B3GALNT2: variants seen among roughly 807,000 people sequenced by gnomAD.
B3GALNT2 encodes the protein UDP-GalNAc:beta-1,3-N-acetylgalactosaminyltransferase 2.
In B3GALNT2, 53 loss-of-function variants were observed where a neutral mutation model predicts 61.1. That is an observed-to-expected ratio of 0.87 (90% CI 0.70 to 1.09). B3GALNT2 has a LOEUF of 1.09. B3GALNT2 is among the 50% of genes least tolerant of loss of function. The probability of loss-of-function intolerance (pLI) is 0.00; values close to 1 mark genes in which losing one functional copy is unlikely to be tolerated. For missense variants in B3GALNT2, 544 were observed against 623.0 expected (o/e 0.87, Z 1.35); for synonymous variants, 223 against 237.4 (o/e 0.94, Z 0.56).
rs768458845 is a variant in B3GALNT2 at position 235,472,564 on chromosome 1, A to AGAC, written c.652-1607_652-1605dup. ...TATTAAACTAACTGCCTCTACTAGA[A>AGAC]GACAAACACCTTGAGAACAGGAAGG... On this transcript the variant is annotated intron_variant, in intron 5 of 11. Coordinates refer to ENST00000366600, the MANE Select transcript of B3GALNT2 (RefSeq NM_152490.5). Among the ~76,000 whole-genome samples, 16 of 152,328 alleles carry AGAC rather than the reference A, an allele frequency of 1.1e-4. No individual in the cohort carries two copies. In the South Asian group the frequency reaches 1.9e-3, roughly 18 times the overall value.
At chr1:235,493,113 A>G (rs1685158220) in intron 2 of B3GALNT2, among the ~76,000 whole-genome samples, 1 of 152,216 alleles carries the variant, frequency 6.6e-6, no homozygotes, top group Non-Finnish European at 1.5e-5. Flanking sequence ...GACTTCTGCA[A>G]TAATCCAGGT....
chr1:235,455,465 A>G (rs1313961609), intron 9 of B3GALNT2, 94 bp downstream of exon 9: 1 of 1,369,216 alleles, frequency 7.3e-7, no homozygotes, highest in African/African-American at 1.5e-5. Context: ...TGTATATCTC[A>G]ACCACATTTT....
intron 3 of B3GALNT2, among the ~76,000 whole-genome samples, chr1:235,487,721 C>T (rs139198645): frequency 6.6e-6 from 1 of 152,284 alleles, no homozygotes; most frequent in East Asian, 1.9e-4. Flanking sequence ...CAGTTAAAAA[C>T]TTATCAACTT....
intron 5 of B3GALNT2, among the ~76,000 whole-genome samples, chr1:235,476,626 G>A (rs1684292867): frequency 6.6e-6 from 1 of 152,120 alleles, no homozygotes; most frequent in South Asian, 2.1e-4. Flanking sequence ...AAGGTAGGTG[G>A]ATCACCTGGG....
In B3GALNT2 at chr1:235,494,799, A is replaced by T; in HGVS notation, c.142T>A (p.Ser48Thr). Residue 48 changes from serine (S) to threonine (T), a missense_variant, in exon 2 of 12, where the codon TCT becomes ACT. Coordinates refer to ENST00000366600, the MANE Select transcript of B3GALNT2 (RefSeq NM_152490.5). ...DQLALFPQWK[S>T]THYDVVVGVL... ...CCAACTACCACATCATAGTGAGTAG[A>T]TTTCCACTGAGGAAATAAGGCCAAC... is the stretch of plus-strand genomic sequence containing the variant. The T allele has an allele frequency of 6.2e-7, 1 of 1,611,226 alleles. No homozygotes were observed. The highest frequency in any genetic ancestry group is 8.5e-7 in the Non-Finnish European group (1 of 1,177,710).
At chr1:235,467,980 A>C (rs1261732271) in intron 6 of B3GALNT2, among the ~76,000 whole-genome samples, 1 of 151,952 alleles carries the variant, frequency 6.6e-6, no homozygotes, top group African/African-American at 2.4e-5. Flanking sequence ...GGGTTTCACC[A>C]TGTTGGTCAG....
chr1:235,465,276 CAT>C (rs1255433982), intron 7 of B3GALNT2: 17 of 174,548 alleles, frequency 9.7e-5, no homozygotes, highest in East Asian at 4.6e-4. Context: ...ACCTGGAACA[CAT>C]GTTACAGCAA....
chr1:235,468,147 T>C (rs567662559), intron 6 of B3GALNT2, among the ~76,000 whole-genome samples: 1 of 152,208 alleles, frequency 6.6e-6, no homozygotes, highest in South Asian at 2.1e-4. Flanking sequence ...AATTTCTGTT[T>C]ATTAACTTCT....
chr1:235,484,688 C>T (rs1369954783), intron 3 of B3GALNT2, 173 bp from the exon 4 acceptor site: 1 of 1,220,864 alleles, frequency 8.2e-7, no homozygotes, highest in Non-Finnish European at 1.1e-6. Flanking sequence ...TCTATATAAA[C>T]ATTTTTGAAA....
intron 7 of B3GALNT2, among the ~76,000 whole-genome samples, chr1:235,460,565 GATT>G (rs1683374273): frequency 6.7e-6 from 1 of 150,220 alleles, no homozygotes; most frequent in Non-Finnish European, 1.5e-5. Flanking sequence ...GTGTATTTAT[GATT>G]ATTTCCTTTG....
rs756508284 is a variant in B3GALNT2 at position 235,480,045 on chromosome 1, A to G, written c.651+9T>C. ...ATTGGTACTACAGTCTTTTCCTGCCATCCTGTACCTCTGGTAAGATGAATT... is the reference window on the plus strand; with the variant it reads ...ATTGGTACTACAGTCTTTTCCTGCCGTCCTGTACCTCTGGTAAGATGAATT... On this transcript the variant is annotated intron_variant, in intron 5 of 11. Transcript: ENST00000366600. The G allele has an allele frequency of 6.2e-7, 1 of 1,613,750 alleles. No homozygotes were observed. The highest frequency in any genetic ancestry group is 8.5e-7 in the Non-Finnish European group (1 of 1,179,746).
chr1:235,441,703 G>A, the B3GALNT2 span: 2 of 973,342 alleles, frequency 2.1e-6, no homozygotes, highest in South Asian at 2.8e-5. Flanking sequence ...TGTGTCCTGG[G>A]AAAGGCACAG....
Position 235,448,470 on chromosome 1 carries a change from A to T in B3GALNT2, c.*1736T>A. On this transcript the variant is annotated 3_prime_UTR_variant, in exon 12 of 12. Transcript: ENST00000366600. Reference sequence around the variant, plus strand: ...GTTGCCCAGCAAAATACAAAGTCAAAGTCAAGCTTAGTCCTCGTATTATGA... The same window carrying T: ...GTTGCCCAGCAAAATACAAAGTCAATGTCAAGCTTAGTCCTCGTATTATGA... 1.3e-6 allele frequency: 2 copies of T among 1,590,928 alleles called. No homozygotes were observed. Among genetic ancestry groups the T allele is most frequent in the Non-Finnish European group, 1.7e-6 (2 of 1,159,014 alleles).
Position 235,497,411 on chromosome 1 carries a change from T to A in B3GALNT2, c.113-2583A>T, listed in dbSNP as rs188012033. Among the ~76,000 whole-genome samples, 328 of 152,140 alleles carry A rather than the reference T, an allele frequency of 2.2e-3. 1 individual carries two copies. Among genetic ancestry groups the A allele is most frequent in the African/African-American group, 7.3e-3 (302 of 41,410 alleles). ...TTAGAGAAAACTGATACAAAAAAAA[T>A]TTTGGATATTCTATTTCATTTGTTT... On this transcript the variant is annotated intron_variant, in intron 1 of 11. Coordinates refer to ENST00000366600, the MANE Select transcript of B3GALNT2 (RefSeq NM_152490.5).
intron 11 of B3GALNT2, among the ~76,000 whole-genome samples, chr1:235,452,848 C>A (rs374537773): frequency 3.3e-5 from 5 of 152,136 alleles, no homozygotes; most frequent in African/African-American, 4.8e-5. Flanking sequence ...GCCACTATGC[C>A]CAGCCCAAAA....
At chr1:235,479,774 C>A in intron 5 of B3GALNT2, 1 of 267,846 alleles carries the variant, frequency 3.7e-6, no homozygotes, top group Non-Finnish European at 7.0e-6. Flanking sequence ...CATCCTTTGT[C>A]ATTAAAACAA....
chr1:235,460,192 T>G (rs898793403), intron 7 of B3GALNT2, among the ~76,000 whole-genome samples: 1 of 152,030 alleles, frequency 6.6e-6, no homozygotes, highest in Non-Finnish European at 1.5e-5. Flanking sequence ...CAGCTCACTG[T>G]AATCTCCACC....
In B3GALNT2 at chr1:235,465,659, C is replaced by T. The variant is rs1193458020; in HGVS notation, c.818G>A (p.Gly273Asp). The T allele has an allele frequency of 6.2e-7, 1 of 1,613,926 alleles. No homozygotes were observed. Among genetic ancestry groups the T allele is most frequent in the African/African-American group, 1.3e-5 (1 of 74,896 alleles). Residue 273 changes from glycine (G) to aspartate (D), a missense_variant, in exon 7 of 12, where the codon GGT (glycine) becomes GAT (aspartate). Transcript: ENST00000366600. ...ACCCTGAATAGTATATATAAAACCACCTGCAACTCCCTCCACACCTTCCAA... is the reference window on the plus strand; with the variant it reads ...ACCCTGAATAGTATATATAAAACCATCTGCAACTCCCTCCACACCTTCCAA... ...EFLEGVEGVA[G>D]GFIYTIQEGD...
In B3GALNT2 at chr1:235,494,771, A is replaced by C; in HGVS notation, c.170T>G (p.Val57Gly). The change falls in exon 2 of 12, where the codon GTG becomes GGG. Residue 57 changes from valine to glycine, a missense_variant. Transcript: ENST00000366600. Reference protein sequence around the residue: ...KSTHYDVVVGVLSARNNHELR... With the variant: ...KSTHYDVVVGGLSARNNHELR... ...TTCATGGTTATTGCGAGCTGACAAC[A>C]CGCCAACTACCACATCATAGTGAGT... is the stretch of plus-strand genomic sequence containing the variant. 1 of 1,611,428 alleles carries C rather than the reference A, an allele frequency of 6.2e-7. No homozygotes were observed. The highest frequency in any genetic ancestry group is 8.5e-7 in the Non-Finnish European group (1 of 1,177,618).
Sources: gnomAD v4.1 joint callset for allele counts (sites outside exome capture counted in the v4.1 genomes callset) on GRCh38, gnomAD v4.1.1 for gene constraint, MANE v1.5 for transcripts, NCBI Gene and HGNC (gene_info 2026-07-23, HGNC 2026-07-21) for gene names.